HMCN1: variants seen among roughly 807,000 people sequenced by gnomAD.
HMCN1 encodes hemicentin-1.
Under a neutral mutation model 625.9 loss-of-function variants are expected in HMCN1, and 321 were observed. The ratio of observed to expected loss-of-function variants is 0.51; its 90% CI spans 0.47 to 0.56. HMCN1 has a LOEUF of 0.56. Among genes scored for constraint, HMCN1 ranks in the 20% least tolerant of loss-of-function variants. The pLI, the probability that HMCN1 is intolerant of heterozygous loss-of-function variation, is 0.00. For synonymous variants in HMCN1, 2,425 were observed against 2,417.6 expected (o/e 1.00, Z -0.09); for missense variants, 6,588 against 6,887.3 (o/e 0.96, Z 1.54).
At chr1:185,822,702 T>C (rs1660264996) in intron 1 of HMCN1, among the ~76,000 whole-genome samples, 1 of 152,202 alleles carries the variant, frequency 6.6e-6, no homozygotes, top group African/African-American at 2.4e-5. Context: ...GGCAAAGTAG[T>C]TGCCTGGCAG....
At chr1:185,776,439 G>C (rs1337198538) in intron 1 of HMCN1, among the ~76,000 whole-genome samples, 1 of 120,682 alleles carries the variant, frequency 8.3e-6, no homozygotes, top group African/African-American at 4.1e-5. Flanking sequence ...TAATTGTATA[G>C]GGTTGTGTGT....
chr1:185,850,066 T>A (rs1662072174), intron 2 of HMCN1, among the ~76,000 whole-genome samples: 1 of 152,172 alleles, frequency 6.6e-6, no homozygotes, highest in Admixed American at 6.5e-5. Flanking sequence ...GTACCCTTAT[T>A]GCACTGAGTT....
chr1:185,743,585 A>G (rs1422158534), intron 1 of HMCN1, among the ~76,000 whole-genome samples: 5 of 152,226 alleles, frequency 3.3e-5, no homozygotes, highest in African/African-American at 4.8e-5. Context: ...ATTTCCAAGG[A>G]GCACTGTGCA....
chr1:185,734,746 G>A lies in HMCN1; in HGVS notation c.-34G>A. 2 of 1,611,106 alleles carry A rather than the reference G, an allele frequency of 1.2e-6. No individual in the cohort carries two copies. The highest frequency in any genetic ancestry group is 2.7e-5 in the African/African-American group (2 of 74,976). ...GGAGGACTGAGCACAGTGCTTAGGC[G>A]CTGAGGGGGAAAAAGAGGGGGAAAA... is the stretch of plus-strand genomic sequence containing the variant. On this transcript the variant is annotated 5_prime_UTR_variant, in exon 1 of 107. Transcript: ENST00000271588.
At position 186,098,025 on chromosome 1, in the gene HMCN1, A is replaced by G. The variant is rs1484479951; in HGVS notation, c.10573+2504A>G. The stretch of plus-strand genomic sequence containing the variant: ...TGCAGAAATATGAAACTAGACCTCT[A>G]TCTTTCACTGTATACAAAAATCAAC... On this transcript the variant is annotated intron_variant, in intron 68 of 106. Coordinates refer to ENST00000271588, the MANE Select transcript of HMCN1 (RefSeq NM_031935.3). Among the ~76,000 whole-genome samples the G allele has an allele frequency of 2.0e-5, 3 of 152,134 alleles. No homozygotes were observed. The East Asian group carries it at 5.8e-4, about 29-fold the overall frequency.
In HMCN1 at chr1:186,113,888, C is replaced by A. The variant is rs925992117; in HGVS notation, c.11132-91C>A. The A allele has an allele frequency of 2.2e-6, 3 of 1,393,364 alleles. No individual in the cohort carries two copies. The Admixed American group carries it at 5.0e-5, about 23-fold the overall frequency. 86.3% of individuals were successfully genotyped at this position (1,393,364 alleles called of 1,614,324 possible). On this transcript the variant is annotated intron_variant, in intron 72 of 106. Coordinates refer to ENST00000271588, the MANE Select transcript of HMCN1 (RefSeq NM_031935.3). ...TGTAGACAAAGCTATACATTTGACTCGAAGCTCATCTTATATTACATCTTC... is the reference window on the plus strand; with the variant it reads ...TGTAGACAAAGCTATACATTTGACTAGAAGCTCATCTTATATTACATCTTC...
chr1:186,069,073 C>T (rs1658321242), intron 50 of HMCN1, among the ~76,000 whole-genome samples: 1 of 152,084 alleles, frequency 6.6e-6, no homozygotes. Context: ...TGAGAATGGC[C>T]TAGCCCTGCG....
At chr1:186,176,660 C>T (rs548378458) in intron 103 of HMCN1, among the ~76,000 whole-genome samples, 74 of 152,252 alleles carry the variant, frequency 4.9e-4, no homozygotes, top group Admixed American at 2.2e-3. Context: ...TCTCTGTCCT[C>T]GTGGAGTTTA....
chr1:185,895,754 A>G (rs1001167381), intron 4 of HMCN1, among the ~76,000 whole-genome samples: 4 of 152,212 alleles, frequency 2.6e-5, no homozygotes, highest in Admixed American at 6.5e-5. Flanking sequence ...GTGCATGTTA[A>G]GAGCCTCATA....
At chr1:185,899,351 G>A (rs1246994613) in intron 4 of HMCN1, among the ~76,000 whole-genome samples, 1 of 152,012 alleles carries the variant, frequency 6.6e-6, no homozygotes, top group African/African-American at 2.4e-5. Flanking sequence ...CATAGTAATA[G>A]ACATTCAAAG....
chr1:185,847,429 A>AT (rs1661891886), intron 2 of HMCN1, among the ~76,000 whole-genome samples: 1 of 152,082 alleles, frequency 6.6e-6, no homozygotes, highest in Non-Finnish European at 1.5e-5. Context: ...CTTTTAACCT[A>AT]TATCTCACCA....
chr1:186,011,680 G>T (rs779095136), intron 30 of HMCN1, among the ~76,000 whole-genome samples: 3 of 152,168 alleles, frequency 2.0e-5, no homozygotes, highest in Non-Finnish European at 4.4e-5. Flanking sequence ...AATTTGTGAA[G>T]GAATCTAGAT....
chr1:185,821,053 A>C (rs915138356), intron 1 of HMCN1, among the ~76,000 whole-genome samples: 6 of 151,710 alleles, frequency 4.0e-5, no homozygotes, highest in Non-Finnish European at 7.4e-5. Flanking sequence ...ATATATATAT[A>C]TCTATATATA....
intron 54 of HMCN1, 53 bp downstream of exon 54, chr1:186,076,675 C>A: frequency 6.5e-7 from 1 of 1,542,576 alleles, no homozygotes; most frequent in Non-Finnish European, 8.9e-7. Flanking sequence ...AAATGTGTTT[C>A]CTCTCATGTA....
chr1:186,141,262 C>T (rs556007409), intron 89 of HMCN1, among the ~76,000 whole-genome samples: 93 of 152,236 alleles, frequency 6.1e-4, no homozygotes, highest in African/African-American at 2.1e-3. Context: ...GCTTGCCAAG[C>T]GATCCGTGGC....
At chr1:185,962,300 T>G (rs74134232) in intron 11 of HMCN1, among the ~76,000 whole-genome samples, 1,994 of 152,218 alleles carry the variant, frequency 0.013, 33 homozygotes, top group African/African-American at 0.044. Context: ...CACAAAAATA[T>G]AACATCGGGA....
intron 11 of HMCN1, among the ~76,000 whole-genome samples, chr1:185,946,734 C>T (rs552632527): frequency 1.3e-5 from 2 of 152,208 alleles, no homozygotes; most frequent in South Asian, 2.1e-4. Flanking sequence ...GCTAAGTTCA[C>T]GACTTTTTTG....
chr1:186,032,042 A>C (rs1655484464), intron 36 of HMCN1, among the ~76,000 whole-genome samples: 1 of 152,010 alleles, frequency 6.6e-6, no homozygotes. Context: ...TTGTTACAAA[A>C]AAAAAACAAA....
intron 87 of HMCN1, 73 bp downstream of exon 87, chr1:186,137,010 C>A (rs1649647815): frequency 6.5e-7 from 1 of 1,546,596 alleles, no homozygotes; most frequent in Non-Finnish European, 8.8e-7. Context: ...TTATTAAGCA[C>A]TTTAGTCCAA....
Sources: gnomAD v4.1 joint callset for allele counts (sites outside exome capture counted in the v4.1 genomes callset) on GRCh38, gnomAD v4.1.1 for gene constraint, MANE v1.5 for transcripts, NCBI Gene and HGNC (gene_info 2026-07-23, HGNC 2026-07-21) for gene names.